The following TBL1XR1 variants were observed in gnomAD, a reference collection of about 807,000 sequenced individuals.
TBL1XR1 encodes F-box-like/WD repeat-containing protein TBL1XR1.
TBL1XR1 carries 5 observed loss-of-function variants against 66.9 expected under a neutral mutation model. That is an observed-to-expected ratio of 0.07 (90% CI 0.04 to 0.16). The LOEUF (loss-of-function observed/expected upper bound fraction) is 0.16, where lower values mean the gene tolerates loss of function less well. Ranked by LOEUF, TBL1XR1 falls within the 10% of genes least tolerant of loss-of-function variation. The probability of loss-of-function intolerance (pLI) is 1.00; values close to 1 mark genes in which losing one functional copy is unlikely to be tolerated. For synonymous variants in TBL1XR1, 210 were observed against 206.0 expected, an observed-to-expected ratio of 1.02 and a Z score of -0.17; for missense variants, 238 against 623.2, an observed-to-expected ratio of 0.38 and a Z score of 6.58.
At position 177,127,041 on chromosome 3, in the gene TBL1XR1, A is replaced by G. The variant is rs575155457; in HGVS notation, c.-121-28500T>C. On this transcript the variant is annotated intron_variant, in intron 1 of 15. Transcript: ENST00000457928. ...TCTCTTCTCATAAAATGCGTTCAACAATACAAAAGTTTGATTGTTTTAAAG... is the reference window on the plus strand; with the variant it reads ...TCTCTTCTCATAAAATGCGTTCAACGATACAAAAGTTTGATTGTTTTAAAG... Among the ~76,000 whole-genome samples the G allele has an allele frequency of 2.0e-5, 3 of 152,344 alleles. No individual in the cohort carries two copies. The South Asian group carries it at 6.2e-4, about 32-fold the overall frequency.
intron 1 of TBL1XR1, among the ~76,000 whole-genome samples, chr3:177,184,861 AAAC>A (rs1329028798): frequency 1.3e-5 from 2 of 152,180 alleles, no homozygotes; most frequent in African/African-American, 4.8e-5. Flanking sequence ...CATGAAACAG[AAAC>A]AACACTTGTT....
upstream of TBL1XR1, among the ~76,000 whole-genome samples, chr3:177,200,191 C>T (rs1737312130): frequency 6.6e-6 from 1 of 152,130 alleles, no homozygotes; most frequent in Non-Finnish European, 1.5e-5. Context: ...AGGCTCGTCT[C>T]AAACTCCCGA....
chr3:177,090,731 A>G (rs539510218), intron 2 of TBL1XR1, among the ~76,000 whole-genome samples: 33 of 152,242 alleles, frequency 2.2e-4, no homozygotes, highest in Admixed American at 6.5e-4. Context: ...GAATCACTTG[A>G]AGAATTGAGG....
chr3:177,195,352 G>C (rs1375842354), intron 1 of TBL1XR1, among the ~76,000 whole-genome samples: 1 of 150,496 alleles, frequency 6.6e-6, no homozygotes. Flanking sequence ...AACTATTTGG[G>C]AAGCTTGCCA....
intron 1 of TBL1XR1, among the ~76,000 whole-genome samples, chr3:177,122,708 G>C (rs1476094979): frequency 1.3e-5 from 2 of 152,102 alleles, no homozygotes; most frequent in Non-Finnish European, 2.9e-5. Context: ...AGAGCAACAG[G>C]TTCTTTAAAC....
chr3:177,089,938 A>G (rs1471289254), intron 2 of TBL1XR1, among the ~76,000 whole-genome samples: 4 of 152,236 alleles, frequency 2.6e-5, no homozygotes, highest in Admixed American at 2.6e-4. Context: ...AAAGACATAT[A>G]TGTATCAAAA....
intron 1 of TBL1XR1, among the ~76,000 whole-genome samples, chr3:177,109,993 C>T (rs1048316562): frequency 6.6e-6 from 1 of 152,142 alleles, no homozygotes; most frequent in Non-Finnish European, 1.5e-5. Context: ...TCCTTATTCA[C>T]AAAATACGTC....
At position 177,075,220 on chromosome 3, in the gene TBL1XR1, A is replaced by G. The variant is rs991477950; in HGVS notation, c.-45-10198T>C. On this transcript the variant is annotated intron_variant, in intron 2 of 15. Transcript: ENST00000457928. ...TAGCACCCGGCATTCCTTGGCTTGT[A>G]GCGGCAAAATTAGTCTCTGCCTCCA... 3.9e-5 allele frequency among the ~76,000 whole-genome samples: 6 copies of G among 152,226 alleles called. No individual in the cohort carries two copies. In the East Asian group the frequency reaches 5.8e-4, roughly 15 times the overall value.
At chr3:177,050,247 C>T (rs1308755304) in intron 6 of TBL1XR1, 109 bp from the exon 7 acceptor site, 18 of 1,398,416 alleles carry the variant, frequency 1.3e-5, no homozygotes, top group Admixed American at 6.7e-5. Context: ...ACGACTATCA[C>T]GAATTTTCAT....
At chr3:177,039,769 A>G (rs565457163) in intron 10 of TBL1XR1, among the ~76,000 whole-genome samples, 5 of 152,320 alleles carry the variant, frequency 3.3e-5, no homozygotes, top group East Asian at 1.9e-4. Context: ...TTATAGTGCA[A>G]TGGGGGAGGA....
intron 2 of TBL1XR1, among the ~76,000 whole-genome samples, chr3:177,069,631 C>T (rs1318646249): frequency 2.0e-5 from 3 of 151,808 alleles, no homozygotes; most frequent in Non-Finnish European, 2.9e-5. Context: ...CTCAGCTACT[C>T]GGGAGGCTGA....
At chr3:177,081,256 G>A (rs894434071) in intron 2 of TBL1XR1, among the ~76,000 whole-genome samples, 1 of 152,166 alleles carries the variant, frequency 6.6e-6, no homozygotes, top group Admixed American at 6.5e-5. Context: ...CTCTGTGATA[G>A]AAATCTTTGA....
At chr3:177,069,062 A>G (rs1719534285) in intron 2 of TBL1XR1, among the ~76,000 whole-genome samples, 2 of 152,184 alleles carry the variant, frequency 1.3e-5, no homozygotes, top group Admixed American at 1.3e-4. Context: ...GATGGCCTAT[A>G]TGATTTTAGA....
intron 1 of TBL1XR1, among the ~76,000 whole-genome samples, chr3:177,118,587 C>T (rs1169809124): frequency 6.6e-6 from 1 of 152,180 alleles, no homozygotes; most frequent in Non-Finnish European, 1.5e-5. Context: ...TTTGTGAATT[C>T]CCTTCTTTAT....
At chr3:177,032,373 T>C (rs1197273096) in intron 14 of TBL1XR1, 2 of 152,196 alleles carry the variant, frequency 1.3e-5, no homozygotes, top group African/African-American at 2.4e-5. Flanking sequence ...TAACAACTTA[T>C]TATGTGTGCA....
upstream of TBL1XR1, among the ~76,000 whole-genome samples, chr3:177,199,129 A>G (rs1480531171): frequency 6.6e-6 from 1 of 152,196 alleles, no homozygotes; most frequent in Non-Finnish European, 1.5e-5. Context: ...CAGAGAGTTC[A>G]AAGCATATTA....
At chr3:177,062,424 C>G (rs1438594963) in intron 3 of TBL1XR1, among the ~76,000 whole-genome samples, 1 of 152,228 alleles carries the variant, frequency 6.6e-6, no homozygotes, top group African/African-American at 2.4e-5. Flanking sequence ...CCAGGCCCCA[C>G]TCAGTGTGAC....
chr3:177,084,004 T>C (rs1265059853), intron 2 of TBL1XR1, among the ~76,000 whole-genome samples: 4 of 149,846 alleles, frequency 2.7e-5, no homozygotes, highest in Non-Finnish European at 4.4e-5. Flanking sequence ...AGGAGAATCA[T>C]TTGAACCCAG....
intron 2 of TBL1XR1, among the ~76,000 whole-genome samples, chr3:177,075,193 G>C (rs1187471903): frequency 6.6e-6 from 1 of 152,194 alleles, no homozygotes; most frequent in African/African-American, 2.4e-5. Context: ...TTCCAGCTTC[G>C]GTAGCACCCG....
Sources: allele counts gnomAD v4.1 joint callset (sites outside exome capture counted in the v4.1 genomes callset), GRCh38; gene constraint gnomAD v4.1.1; transcripts MANE v1.5; gene names NCBI Gene and HGNC (gene_info 2026-07-23, HGNC 2026-07-21).